Variants in STK39 observed in about 807,000 individuals in gnomAD.
STK39 encodes the protein serine/threonine kinase 39.
In STK39, 20 loss-of-function variants were observed where a neutral mutation model predicts 77.8. That is an observed-to-expected ratio of 0.26 (90% confidence interval 0.18 to 0.37). The LOEUF (loss-of-function observed/expected upper bound fraction) is 0.37, where lower values mean the gene tolerates loss of function less well. Ranked by LOEUF, STK39 falls within the 10% of genes least tolerant of loss-of-function variation. The pLI, the probability that STK39 is intolerant of heterozygous loss-of-function variation, is 1.00. For missense variants in STK39, 479 were observed against 656.5 expected, an observed-to-expected ratio of 0.73 and a Z score of 2.95; for synonymous variants, 246 against 234.1, an observed-to-expected ratio of 1.05 and a Z score of -0.47.
At chr2:167,963,185 T>C (rs1692042979) in intron 17 of STK39, among the ~76,000 whole-genome samples, 2 of 152,078 alleles carry the variant, frequency 1.3e-5, no homozygotes, top group South Asian at 4.1e-4. Flanking sequence ...GAAATGGAGA[T>C]GCAGGGAAGA....
At chr2:168,105,844 T>C (rs1370177125) in intron 10 of STK39, among the ~76,000 whole-genome samples, 2 of 152,206 alleles carry the variant, frequency 1.3e-5, no homozygotes, top group Non-Finnish European at 2.9e-5. Flanking sequence ...AACTTCACTT[T>C]AGCACTGAAA....
At chr2:168,225,965 A>ATTAAGATTGGGATTAAGATTGG (rs1574572475) in intron 1 of STK39, among the ~76,000 whole-genome samples, 2 of 152,342 alleles carry the variant, frequency 1.3e-5, no homozygotes, top group East Asian at 3.9e-4. Flanking sequence ...AAATACAGAC[A>ATTAAGATTGGGATTAAGATTGG]GAATCCAGCA....
intron 1 of STK39, among the ~76,000 whole-genome samples, chr2:168,204,944 A>C (rs944916394): frequency 6.6e-6 from 1 of 152,242 alleles, no homozygotes; most frequent in African/African-American, 2.4e-5. Context: ...GGTGTAAACC[A>C]AAAACAATTA....
At chr2:168,144,753 A>G (rs1043260108) in intron 5 of STK39, among the ~76,000 whole-genome samples, 2 of 152,108 alleles carry the variant, frequency 1.3e-5, no homozygotes, top group African/African-American at 4.8e-5. Flanking sequence ...ATAAGCATAA[A>G]TATTTTACAG....
At chr2:168,136,441 C>T (rs143814967) in intron 8 of STK39, among the ~76,000 whole-genome samples, 2 of 151,674 alleles carry the variant, frequency 1.3e-5, no homozygotes, top group African/African-American at 4.8e-5. Context: ...TTTGTTTTGA[C>T]CAAATCACAT....
chr2:168,134,764 C>T (rs187942838), intron 8 of STK39, among the ~76,000 whole-genome samples: 4 of 152,136 alleles, frequency 2.6e-5, no homozygotes, highest in South Asian at 2.1e-4. Flanking sequence ...CTACTCTCAG[C>T]GGCCTGAGAG....
intron 12 of STK39, among the ~76,000 whole-genome samples, chr2:168,069,914 C>T (rs1685895971): frequency 6.6e-6 from 1 of 152,152 alleles, no homozygotes; most frequent in Non-Finnish European, 1.5e-5. Flanking sequence ...CAAATGCCCT[C>T]CTCAGTTAAA....
At chr2:168,099,407 C>T (rs1173992425) in intron 10 of STK39, among the ~76,000 whole-genome samples, 3 of 152,148 alleles carry the variant, frequency 2.0e-5, no homozygotes, top group East Asian at 3.9e-4. Context: ...TGTTTATTAC[C>T]AAGTGGCTAC....
chr2:167,964,870 G>A, intron 16 of STK39, 144 bp from the exon 17 acceptor site: 1 of 649,352 alleles, frequency 1.5e-6, no homozygotes, highest in African/African-American at 1.8e-5. Flanking sequence ...CCATATAAAT[G>A]ACCAAATTAC....
At chr2:168,011,476 C>T (rs1684269769) in intron 16 of STK39, among the ~76,000 whole-genome samples, 1 of 152,064 alleles carries the variant, frequency 6.6e-6, no homozygotes, top group Non-Finnish European at 1.5e-5. Flanking sequence ...AATATGCTAA[C>T]TAATCTTGAT....
intron 2 of STK39, among the ~76,000 whole-genome samples, chr2:168,181,235 A>C (rs1689076524): frequency 6.6e-6 from 1 of 152,178 alleles, no homozygotes; most frequent in South Asian, 2.1e-4. Context: ...AAAAAAAGAA[A>C]ATTGGCCGGT....
intron 16 of STK39, among the ~76,000 whole-genome samples, chr2:167,993,185 C>T (rs11884717): frequency 0.55 from 83,924 of 152,066 alleles, 24,400 homozygotes; most frequent in African/African-American, 0.66. Context: ...AATGGGAGTA[C>T]TATAGAGCTG....
intron 10 of STK39, among the ~76,000 whole-genome samples, chr2:168,111,630 T>C (rs142592634): frequency 0.01 from 1,543 of 152,272 alleles, 22 homozygotes; most frequent in African/African-American, 0.034. Flanking sequence ...ATTTTAGTTC[T>C]CACATGTATA....
intron 2 of STK39, among the ~76,000 whole-genome samples, chr2:168,181,596 T>A (rs1689084212): frequency 6.6e-6 from 1 of 152,166 alleles, no homozygotes; most frequent in Non-Finnish European, 1.5e-5. Context: ...GGGGGACAAC[T>A]TCCATTTGTG....
chr2:167,980,358 G>A (rs922820321), intron 16 of STK39, among the ~76,000 whole-genome samples: 11 of 152,148 alleles, frequency 7.2e-5, no homozygotes, highest in Non-Finnish European at 1.0e-4. Flanking sequence ...TTTTCGTACC[G>A]TCACTCTCAC....
At chr2:168,091,059 A>T (rs2105433477) in intron 10 of STK39, among the ~76,000 whole-genome samples, 1 of 152,140 alleles carries the variant, frequency 6.6e-6, no homozygotes, top group Non-Finnish European at 1.5e-5. Flanking sequence ...GTTCACTAAA[A>T]TCATTTTCCC....
chr2:167,981,377 A>C (rs1683413342), intron 16 of STK39, among the ~76,000 whole-genome samples: 1 of 152,230 alleles, frequency 6.6e-6, no homozygotes, highest in African/African-American at 2.4e-5. Flanking sequence ...TTCTGCAAAT[A>C]ATATTATCCT....
chr2:168,247,053 T>A (rs1690931189), intron 1 of STK39, among the ~76,000 whole-genome samples, 175 bp downstream of exon 1: 1 of 27,614 alleles, frequency 3.6e-5, no homozygotes, highest in African/African-American at 1.4e-4. Flanking sequence ...AACAAATACA[T>A]TAAAAATTAA....
intron 14 of STK39, among the ~76,000 whole-genome samples, chr2:168,055,082 G>A (rs550931080): frequency 6.6e-6 from 1 of 152,214 alleles, no homozygotes; most frequent in South Asian, 2.1e-4. Flanking sequence ...TTGCTGTGGA[G>A]GGAAAAAAGA....
Sources: allele counts gnomAD v4.1 joint callset (sites outside exome capture counted in the v4.1 genomes callset), GRCh38; gene constraint gnomAD v4.1.1; transcripts MANE v1.5; gene names NCBI Gene and HGNC (gene_info 2026-07-23, HGNC 2026-07-21).